The following SPINK4 variants were observed in gnomAD, a reference collection of about 807,000 sequenced individuals.
SPINK4 encodes the protein serine protease inhibitor Kazal-type 4.
A neutral mutation model predicts 12.3 loss-of-function variants in SPINK4; 10 were observed. That is an observed-to-expected ratio of 0.81 (90% CI 0.50 to 1.37). The LOEUF (loss-of-function observed/expected upper bound fraction) is 1.37. Ranked by LOEUF, SPINK4 falls within the 40% of genes most tolerant of loss-of-function variation. The probability of loss-of-function intolerance (pLI) is 0.00; values close to 1 mark genes in which losing one functional copy is unlikely to be tolerated. For missense variants in SPINK4, 91 were observed against 109.0 expected (o/e 0.84, Z 0.73); for synonymous variants, 37 against 40.2 (o/e 0.92, Z 0.30).
Position 33,243,096 on chromosome 9 carries a change from C to T in SPINK4, c.62-2016C>T, listed in dbSNP as rs577064767. Among the ~76,000 whole-genome samples the T allele has an allele frequency of 1.1e-4, 17 of 151,878 alleles. No individual in the cohort carries two copies. In the South Asian group the frequency reaches 1.7e-3, roughly 15 times the overall value. ...TTTATTTATTTATTTATTTTTGAGA[C>T]GGAGTTTTGCTCTGTCACCCAGGTT... is the stretch of plus-strand genomic sequence containing the variant. On this transcript the variant is annotated intron_variant, in intron 1 of 3. Transcript: ENST00000379721.
intron 1 of SPINK4, among the ~76,000 whole-genome samples, chr9:33,240,672 G>T (rs1169155163): frequency 6.6e-6 from 1 of 152,180 alleles, no homozygotes; most frequent in Non-Finnish European, 1.5e-5. Context: ...ACCTGGCCGA[G>T]GTCTTCTGAG....
rs561982732 is a variant in SPINK4, at chr9:33,243,268, T to G, written c.62-1844T>G. Among the ~76,000 whole-genome samples the G allele has an allele frequency of 3.3e-5, 5 of 152,238 alleles. No homozygotes were observed. The South Asian group carries it at 1.0e-3, about 32-fold the overall frequency. On this transcript the variant is annotated intron_variant, in intron 1 of 3. Transcript: ENST00000379721. ...TTGTATTTTTAGTAGATATGGGGTT[T>G]CACCATGTTGGTCAGGCTGGTCTCG...
At chr9:33,244,025 G>A (rs1820263343) in intron 1 of SPINK4, among the ~76,000 whole-genome samples, 1 of 152,036 alleles carries the variant, frequency 6.6e-6, no homozygotes, top group African/African-American at 2.4e-5. Flanking sequence ...GCTCTGCTTT[G>A]TGAGGTTGAA....
At chr9:33,243,792 G>A (rs1337459984) in intron 1 of SPINK4, among the ~76,000 whole-genome samples, 2 of 152,014 alleles carry the variant, frequency 1.3e-5, no homozygotes, top group Non-Finnish European at 2.9e-5. Context: ...CAGCACATTG[G>A]GGTGACTTAG....
chr9:33,240,281 G>A lies in SPINK4; in HGVS notation c.61+12G>A. Reference sequence around the variant, plus strand: ...TGTTGTGGACAGGGGTGAGTGGGCAGAACCTGGATTCTCTGTGGCTTTGTG... The same window carrying A: ...TGTTGTGGACAGGGGTGAGTGGGCAAAACCTGGATTCTCTGTGGCTTTGTG... On this transcript the variant is annotated intron_variant, in intron 1 of 3. Transcript: ENST00000379721. 6.3e-7 allele frequency: 1 copy of A among 1,594,398 alleles called. No homozygotes were observed. Among genetic ancestry groups the A allele is most frequent in the East Asian group, 2.3e-5 (1 of 43,198 alleles).
At chr9:33,247,135 G>A (rs1034291928) in intron 3 of SPINK4, among the ~76,000 whole-genome samples, 1 of 151,078 alleles carries the variant, frequency 6.6e-6, no homozygotes, top group African/African-American at 2.4e-5. Flanking sequence ...AAGCCAGGCT[G>A]ATAGTCAGCC....
intron 1 of SPINK4, among the ~76,000 whole-genome samples, chr9:33,240,834 C>G (rs912904162): frequency 1.3e-5 from 2 of 152,200 alleles, no homozygotes; most frequent in Non-Finnish European, 2.9e-5. Context: ...ATGTCAGGCA[C>G]TGTTCTGAGC....
intron 1 of SPINK4, among the ~76,000 whole-genome samples, chr9:33,243,510 A>G (rs1382328671): frequency 6.6e-6 from 1 of 152,190 alleles, no homozygotes. Flanking sequence ...GGCCTGTTCT[A>G]GGATTTCACA....
At chr9:33,245,206 G>T in intron 2 of SPINK4, 54 bp downstream of exon 2, 1 of 1,552,722 alleles carries the variant, frequency 6.4e-7, no homozygotes, top group East Asian at 2.3e-5. Flanking sequence ...GAGTCCTCTC[G>T]TCCATGCTGA....
At chr9:33,243,384 A>G (rs1251408312) in intron 1 of SPINK4, among the ~76,000 whole-genome samples, 3 of 151,790 alleles carry the variant, frequency 2.0e-5, no homozygotes, top group Admixed American at 6.6e-5. Flanking sequence ...TCATTGTTAA[A>G]TTTTTTGTAG....
intron 3 of SPINK4, among the ~76,000 whole-genome samples, chr9:33,247,185 G>C (rs1820295466): frequency 7.5e-6 from 1 of 132,920 alleles, no homozygotes; most frequent in African/African-American, 2.7e-5. Flanking sequence ...TTTTGAGACA[G>C]ACTCTCACTG....
At chr9:33,245,044 A>G in intron 1 of SPINK4, 68 bp from the exon 2 acceptor site, 1 of 1,500,368 alleles carries the variant, frequency 6.7e-7, no homozygotes, top group East Asian at 2.3e-5. Flanking sequence ...AAGCAGAAGC[A>G]GTCCTCAGAC....
At chr9:33,244,910 G>A (rs1198760647) in intron 1 of SPINK4, among the ~76,000 whole-genome samples, 1 of 152,120 alleles carries the variant, frequency 6.6e-6, no homozygotes, top group Non-Finnish European at 1.5e-5. Context: ...CCTAATTTTT[G>A]AATTTCTGTC....
intron 1 of SPINK4, among the ~76,000 whole-genome samples, chr9:33,242,652 T>A (rs901155069): frequency 2.0e-5 from 3 of 152,224 alleles, no homozygotes; most frequent in African/African-American, 7.2e-5. Flanking sequence ...TTATATTTTT[T>A]AAATGCTTTT....
chr9:33,245,969 G>A (rs57862396), intron 2 of SPINK4, among the ~76,000 whole-genome samples: 2,092 of 152,232 alleles, frequency 0.014, 47 homozygotes, highest in African/African-American at 0.043. Flanking sequence ...CGGTTGCACC[G>A]CACAACCTTT....
Position 33,248,434 on chromosome 9 carries a change from A to T in SPINK4, c.224A>T (p.Lys75Ile). 6.2e-7 allele frequency: 1 copy of T among 1,614,136 alleles called. No individual in the cohort carries two copies. The highest frequency in any genetic ancestry group is 1.1e-5 in the South Asian group (1 of 91,068). The change falls in exon 4 of 4, where the codon AAA becomes ATA. Residue 75 changes from lysine to isoleucine, a missense_variant. Coordinates refer to ENST00000379721, the MANE Select transcript of SPINK4 (RefSeq NM_014471.3). ...CQLCLARIKT[K>I]QDIQIMKDGK... Reference sequence around the variant, plus strand: ...GTCTTCTTTGATCCTAGAAAAACCAAACAGGACATCCAGATCATGAAAGAT... The same window carrying T: ...GTCTTCTTTGATCCTAGAAAAACCATACAGGACATCCAGATCATGAAAGAT...
At position 33,241,418 on chromosome 9, in the gene SPINK4, G is replaced by A. The variant is rs141175943; in HGVS notation, c.61+1149G>A. On this transcript the variant is annotated intron_variant, in intron 1 of 3. Transcript: ENST00000379721. ...TTGAGAATAAACTGAACAGGGAAGC[G>A]GGGAGACCAGTTAGGACCCGCCTGG... 3.9e-5 allele frequency among the ~76,000 whole-genome samples: 6 copies of A among 152,274 alleles called. No individual in the cohort carries two copies. In the East Asian group the frequency reaches 9.6e-4, roughly 24 times the overall value.
chr9:33,241,863 AT>A lies in SPINK4; in HGVS notation c.61+1605del, dbSNP rs200268998. Among the ~76,000 whole-genome samples, 275 of 148,316 alleles carry A rather than the reference AT, an allele frequency of 1.9e-3. 1 individual carries two copies. Among genetic ancestry groups the A allele is most frequent in the African/African-American group, 4.9e-3 (198 of 40,552 alleles). Reference sequence around the variant, plus strand: ...CACCCCCTCCTCCCAATACACTTTAATTTTTTTTTTTATTTAAACAAAAATT... The same window carrying A: ...CACCCCCTCCTCCCAATACACTTTAATTTTTTTTTTATTTAAACAAAAATT... On this transcript the variant is annotated intron_variant, in intron 1 of 3. Coordinates refer to ENST00000379721, the MANE Select transcript of SPINK4 (RefSeq NM_014471.3).
At position 33,240,257 on chromosome 9, in the gene SPINK4, G is replaced by A; in HGVS notation, c.49G>A (p.Val17Ile). ...CGCCCTGGCCTTGGCTGCCCTCCTTGTTGTGGACAGGGGTGAGTGGGCAGA... is the reference window on the plus strand; with the variant it reads ...CGCCCTGGCCTTGGCTGCCCTCCTTATTGTGGACAGGGGTGAGTGGGCAGA... ...VIALALAALL[V>I]VDREVPVAAG... The change falls in exon 1 of 4, where the codon GTT becomes ATT. Residue 17 changes from valine to isoleucine, a missense_variant. Physicochemically the swap from Val to Ile is conservative, Grantham distance 29. Coordinates refer to ENST00000379721, the MANE Select transcript of SPINK4 (RefSeq NM_014471.3). 1 of 1,604,428 alleles carries A rather than the reference G, an allele frequency of 6.2e-7. No individual in the cohort carries two copies. The highest frequency in any genetic ancestry group is 1.7e-4 in the Middle Eastern group (1 of 6,048).
Sources: allele counts gnomAD v4.1 joint callset (sites outside exome capture counted in the v4.1 genomes callset), GRCh38; gene constraint gnomAD v4.1.1; transcripts MANE v1.5; gene names NCBI Gene and HGNC (gene_info 2026-07-23, HGNC 2026-07-21).